Variants in RNLS observed in about 807,000 individuals in gnomAD.
RNLS encodes the protein renalase, FAD dependent amine oxidase, also known as renalase.
In RNLS, 39 loss-of-function variants were observed where a neutral mutation model predicts 39.8. The observed-to-expected ratio is 0.98, with a 90% confidence interval of 0.76 to 1.28. The LOEUF (loss-of-function observed/expected upper bound fraction) is 1.28, where lower values mean the gene tolerates loss of function less well. RNLS is among the 50% of genes most tolerant of loss of function. The pLI, the probability that RNLS is intolerant of heterozygous loss-of-function variation, is 0.00. For synonymous variants in RNLS, 147 were observed against 150.7 expected (o/e 0.98, Z 0.18); for missense variants, 410 against 413.3 (o/e 0.99, Z 0.07).
At chr10:88,227,476 T>TG in the RNLS span, among the ~76,000 whole-genome samples, 1 of 152,362 alleles carries the variant, frequency 6.6e-6, no homozygotes, top group Non-Finnish European at 1.5e-5. Context: ...GTCAGCCATT[T>TG]GGGAATAAGA....
chr10:88,461,442 C>A (rs1842931214), intron 4 of RNLS, among the ~76,000 whole-genome samples: 1 of 152,112 alleles, frequency 6.6e-6, no homozygotes, highest in South Asian at 2.1e-4. Flanking sequence ...ACTTAGGTAA[C>A]CTTTCAGTAA....
intron 4 of RNLS, among the ~76,000 whole-genome samples, chr10:88,499,851 T>C (rs186188113): frequency 6.6e-6 from 1 of 152,042 alleles, no homozygotes; most frequent in Non-Finnish European, 1.5e-5. Context: ...GAAGTACATA[T>C]AAGAAATAGG....
At chr10:88,435,364 C>T (rs1419168095) in intron 4 of RNLS, among the ~76,000 whole-genome samples, 1 of 151,786 alleles carries the variant, frequency 6.6e-6, no homozygotes, top group Admixed American at 6.6e-5. Flanking sequence ...TCTACATCTT[C>T]TCCATACCAC....
At chr10:88,521,115 GC>G (rs1846699559) in intron 4 of RNLS, among the ~76,000 whole-genome samples, 1 of 151,948 alleles carries the variant, frequency 6.6e-6, no homozygotes, top group Non-Finnish European at 1.5e-5. Flanking sequence ...CAAAGATACT[GC>G]CTTTTAGGAG....
intron 4 of RNLS, among the ~76,000 whole-genome samples, chr10:88,366,512 T>C (rs1305846175): frequency 6.6e-6 from 1 of 151,690 alleles, no homozygotes; most frequent in East Asian, 1.9e-4. Flanking sequence ...TATGAGAGGC[T>C]ATTGATTTGG....
chr10:88,567,421 A>G (rs1411252516), intron 4 of RNLS, among the ~76,000 whole-genome samples: 2 of 152,240 alleles, frequency 1.3e-5, no homozygotes, highest in African/African-American at 4.8e-5. Flanking sequence ...CTCTCTTGAT[A>G]TACAAAACTA....
At chr10:88,243,941 G>A in the RNLS span, among the ~76,000 whole-genome samples, 2 of 152,224 alleles carry the variant, frequency 1.3e-5, no homozygotes, top group South Asian at 2.1e-4. Context: ...GCCAGCAGCT[G>A]CGTTTGGCCT....
chr10:88,262,006 T>A, the RNLS span, among the ~76,000 whole-genome samples: 1 of 151,762 alleles, frequency 6.6e-6, no homozygotes, highest in Non-Finnish European at 1.5e-5. Context: ...GTTCATAGGG[T>A]GAAGAATAAG....
At chr10:88,576,205 G>A (rs1012957104) in intron 3 of RNLS, among the ~76,000 whole-genome samples, 1 of 152,098 alleles carries the variant, frequency 6.6e-6, no homozygotes, top group African/African-American at 2.4e-5. Flanking sequence ...TTCTTTGTAT[G>A]TATAATTAGT....
At chr10:88,172,138 G>A in the RNLS span, among the ~76,000 whole-genome samples, 1 of 152,010 alleles carries the variant, frequency 6.6e-6, no homozygotes, top group Non-Finnish European at 1.5e-5. Flanking sequence ...TAAACATGAG[G>A]GTACATATAT....
intron 4 of RNLS, among the ~76,000 whole-genome samples, chr10:88,551,715 T>A (rs1451354995): frequency 6.6e-6 from 1 of 152,058 alleles, no homozygotes; most frequent in Non-Finnish European, 1.5e-5. Context: ...ACAAGCTTTG[T>A]AGTCAGTATT....
intron 4 of RNLS, among the ~76,000 whole-genome samples, chr10:88,463,369 A>G (rs2765451): frequency 0.19 from 28,255 of 151,934 alleles, 3,065 homozygotes; most frequent in Non-Finnish European, 0.26. Context: ...AAACTACCAT[A>G]AGCTAGGGGA....
At chr10:88,501,952 C>A (rs1378482834) in intron 4 of RNLS, among the ~76,000 whole-genome samples, 1 of 152,072 alleles carries the variant, frequency 6.6e-6, no homozygotes, top group Non-Finnish European at 1.5e-5. Flanking sequence ...CCTATTATAA[C>A]ACTTATTGCA....
At chr10:88,453,837 C>T (rs1842477434) in intron 4 of RNLS, among the ~76,000 whole-genome samples, 2 of 152,222 alleles carry the variant, frequency 1.3e-5, no homozygotes. Flanking sequence ...AGTATTACCA[C>T]TGCACTCTGT....
At chr10:88,271,009 T>G (rs1308498028), downstream of RNLS, among the ~76,000 whole-genome samples, 1 of 152,154 alleles carries the variant, frequency 6.6e-6, no homozygotes, top group African/African-American at 2.4e-5. Flanking sequence ...CTGTTTGATA[T>G]TCTGAGGTCT....
At chr10:88,376,611 T>TTGTC (rs1414128267) in intron 4 of RNLS, among the ~76,000 whole-genome samples, 2 of 152,152 alleles carry the variant, frequency 1.3e-5, no homozygotes, top group African/African-American at 4.8e-5. Context: ...GCACTCTTCA[T>TTGTC]TGTCTTTTTC....
chr10:88,226,917 C>T, the RNLS span, among the ~76,000 whole-genome samples: 1 of 152,020 alleles, frequency 6.6e-6, no homozygotes, highest in Non-Finnish European at 1.5e-5. Flanking sequence ...CTTTAAAAAT[C>T]TGTCTGTTCA....
At chr10:88,265,135 G>C in the RNLS span, among the ~76,000 whole-genome samples, 1 of 142,560 alleles carries the variant, frequency 7.0e-6, no homozygotes, top group African/African-American at 2.5e-5. Flanking sequence ...TCGAAGATCA[G>C]TTGGCTGTGA....
chr10:88,395,603 AC>A (rs1280511528), intron 4 of RNLS, among the ~76,000 whole-genome samples: 2 of 152,094 alleles, frequency 1.3e-5, no homozygotes, highest in African/African-American at 4.8e-5. Flanking sequence ...AAAGCCTCAG[AC>A]ATTTGGGGAA....
Sources: allele counts gnomAD v4.1 joint callset (sites outside exome capture counted in the v4.1 genomes callset), GRCh38; gene constraint gnomAD v4.1.1; transcripts MANE v1.5; gene names NCBI Gene and HGNC (gene_info 2026-07-23, HGNC 2026-07-21).